The following OSBPL10 variants were observed in gnomAD, a reference collection of about 807,000 sequenced individuals.
The protein encoded by OSBPL10 is oxysterol-binding protein-related protein 10.
A neutral mutation model predicts 81.7 loss-of-function variants in OSBPL10; 49 were observed. That is an observed-to-expected ratio of 0.60 (90% CI 0.48 to 0.76). OSBPL10 has a LOEUF of 0.76. Among genes scored for constraint, OSBPL10 ranks in the 30% least tolerant of loss-of-function variants. OSBPL10 has a pLI of 0.00. For synonymous variants in OSBPL10, 419 were observed against 383.6 expected, an observed-to-expected ratio of 1.09 and a Z score of -1.08; for missense variants, 923 against 987.8, an observed-to-expected ratio of 0.93 and a Z score of 0.88.
intron 1 of OSBPL10, among the ~76,000 whole-genome samples, chr3:31,904,423 A>C (rs976331746): frequency 4.6e-5 from 7 of 152,208 alleles, no homozygotes; most frequent in African/African-American, 1.7e-4. Context: ...GGGCTCCTGG[A>C]AAACAGGCAC....
At chr3:32,038,036 T>C (rs966898165) in intron 2 of OSBPL10, among the ~76,000 whole-genome samples, 1 of 152,102 alleles carries the variant, frequency 6.6e-6, no homozygotes, top group African/African-American at 2.4e-5. Flanking sequence ...GATAAGGAAG[T>C]TGTACCAAGA....
At chr3:32,075,228 C>T (rs1005712865) in intron 1 of OSBPL10, among the ~76,000 whole-genome samples, 6 of 152,142 alleles carry the variant, frequency 3.9e-5, no homozygotes, top group African/African-American at 7.2e-5. Context: ...CCTCCAGAAC[C>T]GCCAAAGCCT....
intron 3 of OSBPL10, among the ~76,000 whole-genome samples, chr3:31,834,405 G>T (rs967173297): frequency 6.6e-6 from 1 of 152,168 alleles, no homozygotes; most frequent in Non-Finnish European, 1.5e-5. Context: ...TGTTCATCTG[G>T]CTACTCCTTA....
rs911962105 is a variant in OSBPL10 at position 31,977,534 on chromosome 3, G to A, written c.281+3365C>T. Among the ~76,000 whole-genome samples the A allele has an allele frequency of 9.9e-5, 15 of 152,122 alleles. No individual in the cohort carries two copies. In the East Asian group the frequency reaches 1.2e-3, roughly 12 times the overall value. On this transcript the variant is annotated intron_variant, in intron 1 of 11. Transcript: ENST00000396556. ...AGGTCATCTGCCTCCTCAAGTTCTCGAGGTTTACTCTCCCCATGGTTCACT... is the reference window on the plus strand; with the variant it reads ...AGGTCATCTGCCTCCTCAAGTTCTCAAGGTTTACTCTCCCCATGGTTCACT...
intron 4 of OSBPL10, among the ~76,000 whole-genome samples, chr3:31,817,126 G>A (rs1227331488): frequency 5.3e-5 from 8 of 152,146 alleles, no homozygotes; most frequent in Non-Finnish European, 8.8e-5. Context: ...GGGTGGCCAT[G>A]GGCAGCCATG....
At chr3:31,880,367 G>A (rs1695526134) in intron 1 of OSBPL10, among the ~76,000 whole-genome samples, 2 of 152,314 alleles carry the variant, frequency 1.3e-5, no homozygotes, top group South Asian at 4.1e-4. Flanking sequence ...ACACGCTCTA[G>A]CAGGCCCATT....
Position 31,981,041 on chromosome 3 carries a change from C to A in OSBPL10, c.139G>T (p.Ala47Ser), listed in dbSNP as rs568818534. 5 of 1,477,114 alleles carry A rather than the reference C, an allele frequency of 3.4e-6. No individual in the cohort carries two copies. In the East Asian group the frequency reaches 1.2e-4, roughly 35 times the overall value. 91.5% of individuals were successfully genotyped at this position (1,477,114 alleles called of 1,614,324 possible). The change falls in exon 1 of 12, where the codon GCC (alanine) becomes TCC (serine). Residue 47 changes from alanine to serine, a missense_variant. Physicochemically the swap from Ala to Ser is moderately conservative, Grantham distance 99. Transcript: ENST00000396556. This position sits in a 1 kb window ranked among gnomAD's most constrained non-coding sequence, Gnocchi z 4.5. ...GRGVSSRSAA[A>S]GLGGGGSRSS... The stretch of plus-strand genomic sequence containing the variant: ...CGGCTTCCCCCGCCGCCGAGCCCGG[C>A]CGCCGCCGACCGGCTGGAGACCCCC...
At chr3:31,982,102 A>G (rs554209146), upstream of OSBPL10, among the ~76,000 whole-genome samples, 2 of 152,128 alleles carry the variant, frequency 1.3e-5, no homozygotes, top group African/African-American at 4.8e-5. Flanking sequence ...AAACCTATCC[A>G]TTGCTACCAC....
intron 4 of OSBPL10, chr3:31,797,701 T>C (rs1699266922): frequency 4.8e-6 from 2 of 413,712 alleles, no homozygotes; most frequent in Admixed American, 2.7e-5. Context: ...TTTTTTTATA[T>C]GTACCATGAT....
chr3:31,701,195 T>C (rs925178786), intron 7 of OSBPL10, among the ~76,000 whole-genome samples: 1 of 152,206 alleles, frequency 6.6e-6, no homozygotes, highest in African/African-American at 2.4e-5. Flanking sequence ...CTTCCCTCTC[T>C]CTTCTCTTGC....
chr3:31,968,102 C>A (rs539631711), intron 1 of OSBPL10, among the ~76,000 whole-genome samples: 2 of 152,152 alleles, frequency 1.3e-5, no homozygotes, highest in Admixed American at 1.3e-4. Flanking sequence ...ATTATTTTTT[C>A]TTTCTGTGTG....
intron 1 of OSBPL10, among the ~76,000 whole-genome samples, chr3:31,889,573 T>C (rs779551846): frequency 2.2e-4 from 33 of 151,526 alleles, no homozygotes; most frequent in Non-Finnish European, 4.6e-4. Context: ...CCACATATTC[T>C]CTCACTCATG....
intron 7 of OSBPL10, among the ~76,000 whole-genome samples, chr3:31,688,391 G>C (rs1390449545): frequency 6.6e-6 from 1 of 150,912 alleles, no homozygotes; most frequent in African/African-American, 2.4e-5. Flanking sequence ...GTAGCTCCCT[G>C]CTCTGTGAAG....
At chr3:31,687,062 A>T (rs1248073406) in intron 7 of OSBPL10, among the ~76,000 whole-genome samples, 1 of 152,158 alleles carries the variant, frequency 6.6e-6, no homozygotes, top group African/African-American at 2.4e-5. Context: ...TCAATGACAA[A>T]GGACAGGCTG....
intron 8 of OSBPL10, 35 bp downstream of exon 8, chr3:31,683,599 G>T: frequency 1.3e-6 from 2 of 1,592,498 alleles, no homozygotes; most frequent in Non-Finnish European, 1.7e-6. Flanking sequence ...ACGTCACTGT[G>T]TAAGAGCCAA....
chr3:31,776,766 G>GTT (rs775890442), intron 4 of OSBPL10, among the ~76,000 whole-genome samples: 10 of 152,172 alleles, frequency 6.6e-5, no homozygotes, highest in Non-Finnish European at 1.0e-4. Flanking sequence ...ATGATTGGTT[G>GTT]TTGCCCAGGG....
At chr3:31,735,612 G>A (rs1171983003) in intron 5 of OSBPL10, among the ~76,000 whole-genome samples, 3 of 152,098 alleles carry the variant, frequency 2.0e-5, no homozygotes, top group Non-Finnish European at 4.4e-5. Flanking sequence ...AATGTGCCAA[G>A]TTCATGACAG....
At chr3:31,686,436 A>G (rs1700794401) in intron 7 of OSBPL10, among the ~76,000 whole-genome samples, 1 of 152,202 alleles carries the variant, frequency 6.6e-6, no homozygotes, top group Non-Finnish European at 1.5e-5. Context: ...GTCAGGAGAA[A>G]ATGTGCCTGT....
At chr3:31,847,077 C>G (rs989878527) in intron 3 of OSBPL10, among the ~76,000 whole-genome samples, 4 of 152,156 alleles carry the variant, frequency 2.6e-5, no homozygotes, top group Admixed American at 6.5e-5. Flanking sequence ...AGGGCTGTCA[C>G]TTCAAGGATC....
Sources: allele counts gnomAD v4.1 joint callset (sites outside exome capture counted in the v4.1 genomes callset), GRCh38; gene constraint gnomAD v4.1.1; non-coding constraint Gnocchi (gnomAD v3.1); transcripts MANE v1.5; gene names NCBI Gene and HGNC (gene_info 2026-07-23, HGNC 2026-07-21).